The following FER variants were observed in gnomAD, a reference collection of about 807,000 sequenced individuals.
FER encodes FER tyrosine kinase, also known as tyrosine-protein kinase Fer.
In FER, 63 loss-of-function variants were observed where a neutral mutation model predicts 111.0. The observed-to-expected ratio is 0.57, with a 90% CI of 0.46 to 0.70. The LOEUF (loss-of-function observed/expected upper bound fraction) is 0.70, where lower values mean the gene tolerates loss of function less well. Among genes scored for constraint, FER ranks in the 30% least tolerant of loss-of-function variants. FER has a pLI of 0.00. For missense variants in FER, 914 were observed against 954.0 expected (o/e 0.96, Z 0.55); for synonymous variants, 327 against 313.9 (o/e 1.04, Z -0.44).
intron 16 of FER, among the ~76,000 whole-genome samples, chr5:109,058,241 A>G (rs1773892850): frequency 6.6e-6 from 1 of 152,180 alleles, no homozygotes; most frequent in African/African-American, 2.4e-5. Flanking sequence ...CCCATAGCTA[A>G]CATTATATTT....
At chr5:109,029,425 C>CTTTTTTTTTTTT (rs757282669) in intron 13 of FER, among the ~76,000 whole-genome samples, 26 of 52,184 alleles carry the variant, frequency 5.0e-4, no homozygotes, top group South Asian at 8.4e-4. Context: ...ATTCATTGTT[C>CTTTTTTTTTTTT]TTTTTTTTTT....
At chr5:108,990,318 A>G (rs1437300215) in intron 13 of FER, among the ~76,000 whole-genome samples, 1 of 151,940 alleles carries the variant, frequency 6.6e-6, no homozygotes, top group East Asian at 1.9e-4. Context: ...ACTTTAAAAA[A>G]TATGGTTGAT....
In FER at chr5:108,872,192, A is replaced by G; in HGVS notation, c.903A>G (p.Thr301=). ...ATGAGATCATGTGGAATAACTTAAC[A>G]GCAGAAAGTTTGCAAGTAATGTAAG... is the stretch of plus-strand genomic sequence containing the variant. ...QANEIMWNNL[T]AESLQVMLKT... The change falls in exon 8 of 20, where the codon ACA becomes ACG. Residue 301 remains threonine (T), a synonymous_variant. Transcript: ENST00000281092. The G allele has an allele frequency of 6.2e-7, 1 of 1,608,552 alleles. No individual in the cohort carries two copies. Among genetic ancestry groups the G allele is most frequent in the Non-Finnish European group, 8.5e-7 (1 of 1,177,744 alleles).
intron 13 of FER, among the ~76,000 whole-genome samples, chr5:108,971,751 C>T (rs1435840289): frequency 1.3e-5 from 2 of 151,984 alleles, no homozygotes; most frequent in Non-Finnish European, 2.9e-5. Context: ...TCTAGGACTC[C>T]AGACTTATCA....
chr5:108,974,159 A>G (rs751137120), intron 13 of FER, among the ~76,000 whole-genome samples: 10 of 152,206 alleles, frequency 6.6e-5, no homozygotes, highest in Non-Finnish European at 1.5e-4. Flanking sequence ...TACTGAGGAT[A>G]CAGTGATGAC....
intron 2 of FER, among the ~76,000 whole-genome samples, chr5:108,772,237 G>A (rs566239209): frequency 1.4e-5 from 2 of 143,364 alleles, no homozygotes; most frequent in South Asian, 4.4e-4. Context: ...AATTTTGGAG[G>A]GACACATATA....
intron 1 of FER, among the ~76,000 whole-genome samples, chr5:108,751,364 A>C (rs1336839146): frequency 6.6e-6 from 1 of 152,184 alleles, no homozygotes; most frequent in Non-Finnish European, 1.5e-5. Context: ...ACATGAGACT[A>C]TTCAAAGCAA....
chr5:109,112,662 G>A (rs1384504088), intron 17 of FER, among the ~76,000 whole-genome samples: 1 of 152,138 alleles, frequency 6.6e-6, no homozygotes, highest in Admixed American at 6.6e-5. Context: ...TTTAGCTGGT[G>A]TGTTTCGACC....
chr5:109,093,681 TA>T (rs1034060565), intron 16 of FER, among the ~76,000 whole-genome samples: 4 of 152,200 alleles, frequency 2.6e-5, no homozygotes, highest in African/African-American at 7.2e-5. Flanking sequence ...TTTTTAAATT[TA>T]AATGTATTTG....
intron 16 of FER, 98 bp from the exon 17 acceptor site, chr5:109,100,298 C>T (rs1748070510): frequency 5.6e-6 from 8 of 1,421,458 alleles, no homozygotes; most frequent in Non-Finnish European, 7.7e-6. Context: ...ATGTGTAATG[C>T]ATTTTGCTCT....
chr5:108,748,812 G>A (rs1750069301), intron 1 of FER: 1 of 152,366 alleles, frequency 6.6e-6, no homozygotes, highest in Non-Finnish European at 1.5e-5. Context: ...AGGGCCGGGC[G>A]GCTGCGCCCG....
intron 10 of FER, among the ~76,000 whole-genome samples, chr5:108,931,699 G>A (rs1186005060): frequency 6.6e-6 from 1 of 151,974 alleles, no homozygotes; most frequent in Non-Finnish European, 1.5e-5. Context: ...GCATGGTGGC[G>A]GGGACCTGTA....
intron 13 of FER, among the ~76,000 whole-genome samples, chr5:109,012,715 G>A (rs376967947): frequency 2.0e-5 from 3 of 152,174 alleles, no homozygotes; most frequent in Non-Finnish European, 4.4e-5. Context: ...TAGAGGTATG[G>A]CTCAGCATAA....
At chr5:109,080,268 A>G (rs369836905) in intron 16 of FER, among the ~76,000 whole-genome samples, 36 of 152,178 alleles carry the variant, frequency 2.4e-4, no homozygotes, top group Admixed American at 7.9e-4. Context: ...TAATGAAACA[A>G]TTTTAATTGC....
intron 17 of FER, among the ~76,000 whole-genome samples, chr5:109,152,037 C>T (rs1039158017): frequency 6.6e-6 from 1 of 152,010 alleles, no homozygotes; most frequent in African/African-American, 2.4e-5. Context: ...GTATTTTATT[C>T]CATGATGTAA....
At chr5:108,955,358 A>T (rs1049808420) in intron 12 of FER, among the ~76,000 whole-genome samples, 1 of 151,800 alleles carries the variant, frequency 6.6e-6, no homozygotes, top group African/African-American at 2.4e-5. Flanking sequence ...ATTTTATTCA[A>T]TAGTAATAAT....
At chr5:108,754,247 A>G (rs1750818074) in intron 1 of FER, among the ~76,000 whole-genome samples, 1 of 151,954 alleles carries the variant, frequency 6.6e-6, no homozygotes, top group Non-Finnish European at 1.5e-5. Flanking sequence ...GGCACTCTAC[A>G]AAAAAGTTAA....
At chr5:108,789,614 C>CTTCTT (rs541410589) in intron 2 of FER, among the ~76,000 whole-genome samples, 1 of 146,624 alleles carries the variant, frequency 6.8e-6, no homozygotes, top group Admixed American at 6.8e-5. Flanking sequence ...TCTTCTTCTT[C>CTTCTT]TTTTTTTTTT....
chr5:108,834,720 T>G (rs971525817), intron 4 of FER, among the ~76,000 whole-genome samples: 5 of 149,556 alleles, frequency 3.3e-5, no homozygotes, highest in African/African-American at 4.9e-5. Context: ...AAAAAAAAAG[T>G]TTGGTATCAG....
Sources: gnomAD v4.1 joint callset for allele counts (sites outside exome capture counted in the v4.1 genomes callset) on GRCh38, gnomAD v4.1.1 for gene constraint, MANE v1.5 for transcripts, NCBI Gene and HGNC (gene_info 2026-07-23, HGNC 2026-07-21) for gene names.